Variants in FRAS1 observed in about 807,000 individuals in gnomAD.
FRAS1 encodes the protein extracellular matrix organizing protein FRAS1.
A neutral mutation model predicts 435.2 loss-of-function variants in FRAS1; 290 were observed. The observed-to-expected ratio is 0.67, with a 90% CI of 0.61 to 0.73. FRAS1 has a LOEUF of 0.73. Among genes scored for constraint, FRAS1 ranks in the 30% least tolerant of loss-of-function variants. The pLI, the probability that FRAS1 is intolerant of heterozygous loss-of-function variation, is 0.00. For synonymous variants in FRAS1, 1,800 were observed against 1,851.0 expected (o/e 0.97, Z 0.71); for missense variants, 4,860 against 5,001.5 (o/e 0.97, Z 0.85).
intron 14 of FRAS1, among the ~76,000 whole-genome samples, chr4:78,307,631 G>A (rs1170225549): frequency 6.6e-6 from 1 of 152,216 alleles, no homozygotes; most frequent in Non-Finnish European, 1.5e-5. Context: ...GGTGCCGTCT[G>A]TCACCCCTGT....
chr4:78,359,906 T>C (rs930046261), intron 20 of FRAS1, among the ~76,000 whole-genome samples: 2 of 152,186 alleles, frequency 1.3e-5, no homozygotes, highest in Admixed American at 6.5e-5. Flanking sequence ...GATGCCTTCT[T>C]ATGGCTTAAC....
intron 2 of FRAS1, among the ~76,000 whole-genome samples, chr4:78,086,610 C>A (rs1486416524): frequency 6.6e-6 from 1 of 152,154 alleles, no homozygotes; most frequent in Non-Finnish European, 1.5e-5. Flanking sequence ...ACCAATCCCA[C>A]AGAAATACAA....
At chr4:78,446,644 G>C in intron 42 of FRAS1, 83 bp from the exon 43 acceptor site, 1 of 1,499,502 alleles carries the variant, frequency 6.7e-7, no homozygotes, top group Non-Finnish European at 8.8e-7. Context: ...CATTTCTGTA[G>C]CAATGATACT....
intron 2 of FRAS1, among the ~76,000 whole-genome samples, chr4:78,159,652 G>A (rs898123639): frequency 6.6e-6 from 1 of 152,162 alleles, no homozygotes; most frequent in African/African-American, 2.4e-5. Context: ...AGGCCAAGGA[G>A]GGTAGATCAC....
intron 48 of FRAS1, 94 bp from the exon 49 acceptor site, chr4:78,464,349 A>G (rs1390031462): frequency 5.3e-6 from 8 of 1,523,538 alleles, no homozygotes; most frequent in African/African-American, 1.4e-5. Flanking sequence ...TGTGCAAGCA[A>G]TGTGTGAAAG....
intron 29 of FRAS1, among the ~76,000 whole-genome samples, chr4:78,391,364 T>A (rs1431182207): frequency 6.6e-6 from 1 of 152,166 alleles, no homozygotes; most frequent in Non-Finnish European, 1.5e-5. Context: ...GGCAAAAGAA[T>A]TAAAACAGAT....
intron 15 of FRAS1, among the ~76,000 whole-genome samples, chr4:78,310,143 G>T (rs1316060285): frequency 6.6e-6 from 1 of 152,204 alleles, no homozygotes; most frequent in East Asian, 1.9e-4. Flanking sequence ...GGAAAGAAAG[G>T]CCAGGCTGCC....
intron 20 of FRAS1, among the ~76,000 whole-genome samples, chr4:78,340,666 G>A (rs374389442): frequency 1.2e-4 from 18 of 152,308 alleles, no homozygotes; most frequent in East Asian, 5.8e-4. Context: ...CACAGACTGG[G>A]TGGCTCAAAC....
chr4:78,356,885 C>T (rs1730878579), intron 20 of FRAS1, among the ~76,000 whole-genome samples: 1 of 152,130 alleles, frequency 6.6e-6, no homozygotes, highest in Admixed American at 6.5e-5. Flanking sequence ...CACACACACG[C>T]ATACACACAC....
At chr4:78,191,489 A>G (rs1195894307) in intron 2 of FRAS1, among the ~76,000 whole-genome samples, 1 of 151,492 alleles carries the variant, frequency 6.6e-6, no homozygotes, top group Non-Finnish European at 1.5e-5. Context: ...GTTTAAAGAA[A>G]TCTGTTCGCA....
chr4:78,499,206 G>A (rs1720602130), intron 60 of FRAS1, among the ~76,000 whole-genome samples: 1 of 152,202 alleles, frequency 6.6e-6, no homozygotes, highest in South Asian at 2.1e-4. Context: ...ATGGGGAGGT[G>A]AGAGCACTAA....
intron 52 of FRAS1, among the ~76,000 whole-genome samples, chr4:78,473,236 C>CT (rs1026661809): frequency 3.3e-5 from 5 of 151,810 alleles, no homozygotes; most frequent in African/African-American, 1.2e-4. Context: ...AAAGACAGAT[C>CT]TTTTTTTTCA....
At chr4:78,260,465 A>G (rs1287068810) in intron 6 of FRAS1, among the ~76,000 whole-genome samples, 1 of 152,082 alleles carries the variant, frequency 6.6e-6, no homozygotes, top group African/African-American at 2.4e-5. Context: ...CTTTGAAGCA[A>G]TTGTGAACGG....
At chr4:78,114,206 G>A (rs1035835511) in intron 2 of FRAS1, among the ~76,000 whole-genome samples, 4 of 152,202 alleles carry the variant, frequency 2.6e-5, no homozygotes, top group African/African-American at 7.2e-5. Context: ...TTGGGTACCA[G>A]TAGCATGCTG....
chr4:78,156,887 C>G (rs1288953457), intron 2 of FRAS1, among the ~76,000 whole-genome samples: 1 of 152,120 alleles, frequency 6.6e-6, no homozygotes, highest in Admixed American at 6.5e-5. Flanking sequence ...CAGTGCTGTT[C>G]CATGTCCTTT....
At chr4:78,084,175 A>C (rs991712397) in intron 2 of FRAS1, among the ~76,000 whole-genome samples, 5 of 152,140 alleles carry the variant, frequency 3.3e-5, no homozygotes, top group Admixed American at 2.0e-4. Context: ...TATGGTACAT[A>C]CAATCAAATA....
intron 2 of FRAS1, among the ~76,000 whole-genome samples, chr4:78,092,619 G>A (rs974094460): frequency 6.6e-6 from 1 of 152,220 alleles, no homozygotes; most frequent in Non-Finnish European, 1.5e-5. Flanking sequence ...GGAGCTACAA[G>A]ATGAGATTTG....
chr4:78,285,534 C>T (rs978487166), intron 13 of FRAS1, among the ~76,000 whole-genome samples: 19 of 151,136 alleles, frequency 1.3e-4, no homozygotes, highest in South Asian at 2.1e-4. Flanking sequence ...CGGGTTCAAG[C>T]GATTCTCCTT....
intron 14 of FRAS1, among the ~76,000 whole-genome samples, chr4:78,293,368 G>A (rs1348866392): frequency 6.6e-6 from 1 of 152,142 alleles, no homozygotes; most frequent in Non-Finnish European, 1.5e-5. Flanking sequence ...TGCATAGAGA[G>A]CAATCAACAG....
Sources: allele counts gnomAD v4.1 joint callset (sites outside exome capture counted in the v4.1 genomes callset), GRCh38; gene constraint gnomAD v4.1.1; transcripts MANE v1.5; gene names NCBI Gene and HGNC (gene_info 2026-07-23, HGNC 2026-07-21).